Variants in BCAT1 observed in about 807,000 individuals in gnomAD.
BCAT1 encodes the protein branched chain amino acid transaminase 1, also known as branched-chain-amino-acid aminotransferase, cytosolic.
Under a neutral mutation model 52.4 loss-of-function variants are expected in BCAT1, and 48 were observed. That is an observed-to-expected ratio of 0.92 (90% confidence interval 0.73 to 1.16). The LOEUF (loss-of-function observed/expected upper bound fraction) is 1.16. BCAT1 is among the 50% of genes most tolerant of loss of function. BCAT1 has a pLI of 0.00. For missense variants in BCAT1, 451 were observed against 457.1 expected (o/e 0.99, Z 0.12); for synonymous variants, 167 against 161.3 (o/e 1.04, Z -0.27).
intron 10 of BCAT1, among the ~76,000 whole-genome samples, chr12:24,822,731 G>C (rs1168632732): frequency 6.6e-6 from 1 of 152,178 alleles, no homozygotes; most frequent in Non-Finnish European, 1.5e-5. Flanking sequence ...GTTCTGGTTT[G>C]TGGTTAGTTC....
intron 6 of BCAT1, among the ~76,000 whole-genome samples, chr12:24,848,198 T>A (rs1046986032): frequency 6.6e-6 from 1 of 152,212 alleles, no homozygotes; most frequent in African/African-American, 2.4e-5. Context: ...GAATCAAATA[T>A]TTTTATAATA....
In BCAT1 at chr12:24,811,044, C is replaced by T. The variant is rs184807017; in HGVS notation, c.*6964G>A. 74 of 152,292 alleles carry T rather than the reference C, an allele frequency of 4.9e-4. No individual in the cohort carries two copies. The highest frequency in any genetic ancestry group is 1.7e-3 in the African/African-American group (71 of 41,584). 9.4% of individuals were successfully genotyped at this position (152,292 alleles called of 1,614,324 possible). A position where few individuals can be genotyped will look rare whatever the true frequency, so the allele number is the denominator to read the frequency against. On this transcript the variant is annotated 3_prime_UTR_variant, in exon 11 of 11. Coordinates refer to ENST00000261192, the MANE Select transcript of BCAT1 (RefSeq NM_005504.7). ...ACAATGAATGGGAAGAGGTAATCTA[C>T]TCCCCCCATTCTGTGCAAATCTCAA...
At chr12:24,869,577 A>C (rs1423456823) in intron 5 of BCAT1, among the ~76,000 whole-genome samples, 1 of 152,230 alleles carries the variant, frequency 6.6e-6, no homozygotes, top group African/African-American at 2.4e-5. Flanking sequence ...AAAGTGAAAT[A>C]TACATACACC....
intron 1 of BCAT1, among the ~76,000 whole-genome samples, chr12:24,910,064 C>A (rs542828543): frequency 6.6e-6 from 1 of 152,198 alleles, no homozygotes; most frequent in African/African-American, 2.4e-5. Context: ...AATCTAGAGA[C>A]CATGAGAGAT....
chr12:24,902,830 G>A (rs1282393705), intron 1 of BCAT1: 23 of 1,382,558 alleles, frequency 1.7e-5, no homozygotes, highest in Admixed American at 2.5e-5. Context: ...GGAATGGAGG[G>A]CAAGGCGAAG....
Position 24,814,387 on chromosome 12 carries a change from A to G in BCAT1, c.*3621T>C, listed in dbSNP as rs555646410. The stretch of plus-strand genomic sequence containing the variant: ...TTCTGCTGAAAATTCATCTTTCCCA[A>G]TCATAAGGGGAAACCAAATATGCAA... On this transcript the variant is annotated 3_prime_UTR_variant, in exon 11 of 11. Transcript: ENST00000261192. 3 of 148,276 alleles carry G rather than the reference A, an allele frequency of 2.0e-5. No individual in the cohort carries two copies. Among genetic ancestry groups the G allele is most frequent in the Non-Finnish European group, 3.0e-5 (2 of 67,382 alleles). The allele number at this position is 148,276 out of a possible 1,614,324, so 9.2% of individuals were successfully genotyped here.
intron 3 of BCAT1, among the ~76,000 whole-genome samples, chr12:24,887,473 CA>C: frequency 6.6e-6 from 1 of 152,146 alleles, no homozygotes; most frequent in Non-Finnish European, 1.5e-5. Flanking sequence ...ACATGAAGTT[CA>C]AAAAGAGGCA....
At chr12:24,829,965 T>G (rs1029543204) in intron 9 of BCAT1, 68 bp from the exon 10 acceptor site, 1 of 1,202,406 alleles carries the variant, frequency 8.3e-7, no homozygotes. Context: ...GATAAGACAC[T>G]CAAGCAATTC....
chr12:24,895,064 C>G (rs879305411), intron 2 of BCAT1, among the ~76,000 whole-genome samples: 4 of 152,180 alleles, frequency 2.6e-5, no homozygotes, highest in Non-Finnish European at 5.9e-5. Flanking sequence ...ATCCTCTGTT[C>G]TGTGTGGAGG....
intron 4 of BCAT1, among the ~76,000 whole-genome samples, chr12:24,879,204 C>T (rs1489123878): frequency 6.6e-6 from 1 of 152,080 alleles, no homozygotes; most frequent in Non-Finnish European, 1.5e-5. Flanking sequence ...CTATTTGAAA[C>T]TTAAAGACTT....
chr12:24,846,446 AAAGT>A (rs1425682549), intron 6 of BCAT1, among the ~76,000 whole-genome samples: 3 of 152,212 alleles, frequency 2.0e-5, no homozygotes, highest in South Asian at 2.1e-4. Flanking sequence ...GAAAAATGAA[AAAGT>A]AAGAAAGCTG....
intron 5 of BCAT1, among the ~76,000 whole-genome samples, chr12:24,866,989 C>T (rs757451144): frequency 1.3e-5 from 2 of 152,168 alleles, no homozygotes; most frequent in Non-Finnish European, 1.5e-5. Context: ...TCCACACTGC[C>T]TTTATGAGCT....
At chr12:24,838,781 C>T (rs1198021319) in intron 7 of BCAT1, among the ~76,000 whole-genome samples, 3 of 152,174 alleles carry the variant, frequency 2.0e-5, no homozygotes, top group African/African-American at 7.2e-5. Context: ...AACATACTTA[C>T]AAGAGCCAGA....
At chr12:24,844,810 T>A (rs1377865945) in intron 6 of BCAT1, among the ~76,000 whole-genome samples, 2 of 126,492 alleles carry the variant, frequency 1.6e-5, no homozygotes, top group African/African-American at 6.1e-5. Flanking sequence ...GGCAGGAGAA[T>A]GGCGTGAACC....
At chr12:24,913,460 G>T (rs1191119912) in intron 1 of BCAT1, among the ~76,000 whole-genome samples, 1 of 152,188 alleles carries the variant, frequency 6.6e-6, no homozygotes, top group Non-Finnish European at 1.5e-5. Flanking sequence ...GTAGATGGTA[G>T]TTTGGCTGTC....
intron 10 of BCAT1, among the ~76,000 whole-genome samples, chr12:24,819,860 G>A (rs973358525): frequency 1.3e-5 from 2 of 152,108 alleles, no homozygotes; most frequent in African/African-American, 4.8e-5. Context: ...GTAACTGCCC[G>A]CTATTGACTC....
At chr12:24,949,309 A>AC (rs1473164820), upstream of BCAT1, 1 of 297,108 alleles carries the variant, frequency 3.4e-6, no homozygotes, top group Non-Finnish European at 6.3e-6. Flanking sequence ...TGACACGGTT[A>AC]CCCCCGAATC....
At chr12:24,867,422 T>C (rs371789856) in intron 5 of BCAT1, among the ~76,000 whole-genome samples, 4 of 151,464 alleles carry the variant, frequency 2.6e-5, no homozygotes, top group Non-Finnish European at 4.4e-5. Context: ...GCAGCAGTTA[T>C]GGCAAAGCTG....
intron 7 of BCAT1, 109 bp downstream of exon 7, chr12:24,841,973 C>G (rs2139432378): frequency 7.9e-7 from 1 of 1,260,686 alleles, no homozygotes; most frequent in Middle Eastern, 2.7e-4. Flanking sequence ...CCTTACTTAG[C>G]CTTTGGAACT....
Sources: gnomAD v4.1 joint callset for allele counts (sites outside exome capture counted in the v4.1 genomes callset) on GRCh38, gnomAD v4.1.1 for gene constraint, MANE v1.5 for transcripts, NCBI Gene and HGNC (gene_info 2026-07-23, HGNC 2026-07-21) for gene names.